Variants in ANO1 observed in about 807,000 individuals in gnomAD.
ANO1 encodes anoctamin-1.
Under a neutral mutation model 124.0 loss-of-function variants are expected in ANO1, and 59 were observed. The ratio of observed to expected loss-of-function variants is 0.48; its 90% confidence interval spans 0.39 to 0.59. The LOEUF (loss-of-function observed/expected upper bound fraction) is 0.59, where lower values mean the gene tolerates loss of function less well. ANO1 is among the 20% of genes least tolerant of loss of function. The pLI, the probability that ANO1 is intolerant of heterozygous loss-of-function variation, is 0.00. For missense variants in ANO1, 1,059 were observed against 1,328.0 expected (o/e 0.80, Z 3.15); for synonymous variants, 529 against 532.0 (o/e 0.99, Z 0.08).
chr11:69,973,863 C>T, the ANO1 span, among the ~76,000 whole-genome samples: 1 of 149,610 alleles, frequency 6.7e-6, no homozygotes, highest in African/African-American at 2.5e-5. Context: ...CAGAGCAAGA[C>T]TCCGTCTAAA....
the ANO1 span, among the ~76,000 whole-genome samples, chr11:69,980,613 T>C: frequency 8.1e-4 from 123 of 151,096 alleles, 2 homozygotes; most frequent in Middle Eastern, 6.8e-3. Context: ...AGAGTAAGAC[T>C]GTCTCAAAAA....
At chr11:70,066,714 C>G (rs12418934) in intron 1 of ANO1, among the ~76,000 whole-genome samples, 1 of 152,012 alleles carries the variant, frequency 6.6e-6, no homozygotes, top group Non-Finnish European at 1.5e-5. Flanking sequence ...GGAGATTAGA[C>G]CCCCTTCAGC....
intron 8 of ANO1, 100 bp downstream of exon 8, chr11:70,116,599 A>G: frequency 8.0e-7 from 1 of 1,246,396 alleles, no homozygotes; most frequent in Non-Finnish European, 1.1e-6. Context: ...ACCGGCCTCC[A>G]GGGCCTCCCC....
intron 20 of ANO1, among the ~76,000 whole-genome samples, chr11:70,166,505 T>G (rs1480452288): frequency 6.6e-6 from 1 of 152,108 alleles, no homozygotes; most frequent in Non-Finnish European, 1.5e-5. Context: ...GGACTTGGCC[T>G]CGTTGTTACC....
intron 10 of ANO1, among the ~76,000 whole-genome samples, chr11:70,128,686 G>C (rs1486734359): frequency 6.6e-6 from 1 of 152,258 alleles, no homozygotes; most frequent in East Asian, 1.9e-4. Context: ...TTGCAGGGAA[G>C]CCCCAGCATG....
chr11:70,095,203 C>CAAAA (rs2044796588), intron 2 of ANO1, among the ~76,000 whole-genome samples: 1 of 76,524 alleles, frequency 1.3e-5, no homozygotes, highest in Non-Finnish European at 2.4e-5. Flanking sequence ...GAGACTGTCT[C>CAAAA]AAAAAAGAAA....
At chr11:70,100,536 C>T (rs571400536) in intron 2 of ANO1, among the ~76,000 whole-genome samples, 9 of 152,278 alleles carry the variant, frequency 5.9e-5, no homozygotes, top group African/African-American at 1.9e-4. Flanking sequence ...CTAGGGCCTT[C>T]GGAGGGAGCA....
chr11:70,013,996 A>G (rs1216593526), intron 1 of ANO1, among the ~76,000 whole-genome samples: 1 of 115,444 alleles, frequency 8.7e-6, no homozygotes, highest in East Asian at 6.4e-4. Flanking sequence ...TTCTCTGTGC[A>G]CGGACAGAGA....
intron 23 of ANO1, 147 bp downstream of exon 23, chr11:70,180,203 G>A: frequency 1.4e-6 from 1 of 728,456 alleles, no homozygotes. Flanking sequence ...AGTTATAAAT[G>A]TCCCTTGACC....
chr11:70,027,703 G>A (rs1288690294), intron 1 of ANO1, among the ~76,000 whole-genome samples: 1 of 152,196 alleles, frequency 6.6e-6, no homozygotes, highest in African/African-American at 2.4e-5. Flanking sequence ...CTGGGCAGGA[G>A]GCACTGTTGT....
At position 70,010,179 on chromosome 11, in the gene ANO1, G is replaced by GTATGTGTGTGTGTATATATATA. The variant is rs1188271051; in HGVS notation, c.58+24016_58+24017insGTGTGTGTGTATATATATATAT. On this transcript the variant is annotated intron_variant, in intron 1 of 27. Transcript: ENST00000531349. ...TGTGTGTGTGTGCGCGTGTGTGTGT[G>GTATGTGTGTGTGTATATATATA]TATATATATATATATATATCACATT... Among the ~76,000 whole-genome samples, 188 of 83,802 alleles carry GTATGTGTGTGTGTATATATATA rather than the reference G, an allele frequency of 2.2e-3. 19 individuals are homozygous for GTATGTGTGTGTGTATATATATA. The highest frequency in any genetic ancestry group is 0.012 in the East Asian group (20 of 1,738). The allele number at this position is 83,802 out of a possible 152,430, so 55.0% of individuals were successfully genotyped here. A position where few individuals can be genotyped will look rare whatever the true frequency, so the allele number is the denominator to read the frequency against.
intron 1 of ANO1, among the ~76,000 whole-genome samples, chr11:70,079,410 T>G (rs2044136972): frequency 6.6e-6 from 1 of 151,990 alleles, no homozygotes; most frequent in Non-Finnish European, 1.5e-5. Context: ...AAGCCAGTCA[T>G]GTAAGTTGGG....
chr11:70,007,571 C>A (rs544832122), intron 1 of ANO1, among the ~76,000 whole-genome samples: 1 of 152,192 alleles, frequency 6.6e-6, no homozygotes, highest in African/African-American at 2.4e-5. Context: ...TGAGCCACCG[C>A]GCCCGGCCAC....
intron 12 of ANO1, 25 bp from the exon 13 acceptor site, chr11:70,152,424 GT>G: frequency 6.3e-7 from 1 of 1,593,546 alleles, no homozygotes; most frequent in Non-Finnish European, 8.6e-7. Flanking sequence ...TTGTGTTTTT[GT>G]TTTTACTTTT....
At position 70,114,800 on chromosome 11, in the gene ANO1, G is replaced by A. The variant is rs956369782; in HGVS notation, c.856-1658G>A. ...TGTAATCCCAGCTACTAGGGAGGCT[G>A]AGGCAGGAGAATTGCTTGAACTCGG... is the stretch of plus-strand genomic sequence containing the variant. On this transcript the variant is annotated intron_variant, in intron 7 of 25. Transcript: ENST00000355303. Among the ~76,000 whole-genome samples the A allele has an allele frequency of 2.0e-5, 3 of 152,176 alleles. No individual in the cohort carries two copies. In the South Asian group the frequency reaches 6.2e-4, roughly 32 times the overall value.
upstream of ANO1, among the ~76,000 whole-genome samples, chr11:69,984,068 G>C (rs1237986515): frequency 5.9e-5 from 9 of 152,000 alleles, no homozygotes; most frequent in African/African-American, 2.2e-4. Context: ...TCATTCCAAG[G>C]GTAAGAATTC....
intron 2 of ANO1, among the ~76,000 whole-genome samples, chr11:70,095,751 C>T (rs1345628918): frequency 1.3e-5 from 2 of 152,176 alleles, no homozygotes; most frequent in African/African-American, 4.8e-5. Context: ...CGCAGGAGCC[C>T]CTCACCCCCG....
At chr11:70,150,844 C>G (rs2047575826) in intron 12 of ANO1, among the ~76,000 whole-genome samples, 1 of 152,020 alleles carries the variant, frequency 6.6e-6, no homozygotes, top group Non-Finnish European at 1.5e-5. Flanking sequence ...TTTTAAAGGC[C>G]TTTTTTCTTT....
At chr11:69,967,658 T>C in the ANO1 span, among the ~76,000 whole-genome samples, 1 of 152,234 alleles carries the variant, frequency 6.6e-6, no homozygotes, top group East Asian at 1.9e-4. Context: ...TGCTAAATGC[T>C]GTCACGGCCC....
Sources: gnomAD v4.1 joint callset for allele counts (sites outside exome capture counted in the v4.1 genomes callset) on GRCh38, gnomAD v4.1.1 for gene constraint, MANE v1.5 for transcripts, NCBI Gene and HGNC (gene_info 2026-07-23, HGNC 2026-07-21) for gene names.